UBXN4: variants seen among roughly 807,000 people sequenced by gnomAD.
UBXN4 encodes UBX domain-containing protein 4.
In UBXN4, 35 loss-of-function variants were observed where a neutral mutation model predicts 66.2. The observed-to-expected ratio is 0.53, with a 90% CI of 0.40 to 0.70. The LOEUF is 0.70. Among genes scored for constraint, UBXN4 ranks in the 30% least tolerant of loss-of-function variants. The pLI, the probability that UBXN4 is intolerant of heterozygous loss-of-function variation, is 0.00. For missense variants in UBXN4, 533 were observed against 599.8 expected (o/e 0.89, Z 1.16); for synonymous variants, 203 against 204.5 (o/e 0.99, Z 0.06).
chr2:135,776,739 C>T (rs541034347), intron 10 of UBXN4, among the ~76,000 whole-genome samples: 1 of 152,130 alleles, frequency 6.6e-6, no homozygotes, highest in African/African-American at 2.4e-5. Context: ...AACTTACAGG[C>T]ATGTACTGCC....
rs751829167 is a variant in UBXN4 at position 135,776,211 on chromosome 2, G to C, written c.951-38G>C. 2.0e-6 allele frequency: 3 copies of C among 1,501,094 alleles called. No individual in the cohort carries two copies. The East Asian group carries it at 6.8e-5, about 34-fold the overall frequency. The allele number at this position is 1,501,094 out of a possible 1,614,324, so 93.0% of individuals were successfully genotyped here. A position where few individuals can be genotyped will look rare whatever the true frequency, so the allele number is the denominator to read the frequency against. On this transcript the variant is annotated intron_variant, in intron 9 of 12. Coordinates refer to ENST00000272638, the MANE Select transcript of UBXN4 (RefSeq NM_014607.4). ...TAATGATATTGTTAGAGAATATATA[G>C]AGGTGAAGATTGTGACTTTAATTTT... is the stretch of plus-strand genomic sequence containing the variant.
chr2:135,772,551 C>A lies in UBXN4; in HGVS notation c.950+4C>A, dbSNP rs1206834295. ...AATCTTATGCAAGAGAAAGAAGGTA[C>A]TATATTTCATGCTGAAACATCTCTG... On this transcript the variant is annotated splice_donor_region_variant and intron_variant, in intron 9 of 12. Transcript: ENST00000272638. The A allele has an allele frequency of 1.9e-6, 3 of 1,613,140 alleles. No individual in the cohort carries two copies. The highest frequency in any genetic ancestry group is 3.3e-5 in the Admixed American group (2 of 59,970).
At chr2:135,773,294 T>TAAAA (rs2077394751) in intron 9 of UBXN4, among the ~76,000 whole-genome samples, 2 of 152,230 alleles carry the variant, frequency 1.3e-5, no homozygotes, top group East Asian at 3.8e-4. Flanking sequence ...TCTCTCTTTT[T>TAAAA]AATTCTTGGT....
chr2:135,758,999 T>TA (rs1318714565), intron 5 of UBXN4, among the ~76,000 whole-genome samples: 1 of 152,208 alleles, frequency 6.6e-6, no homozygotes, highest in Non-Finnish European at 1.5e-5. Context: ...CCTCAGGTGA[T>TA]ACGCCTGCCT....
At chr2:135,769,852 G>A (rs772794235) in intron 7 of UBXN4, 29 bp downstream of exon 7, 40 of 1,564,768 alleles carry the variant, frequency 2.6e-5, no homozygotes, top group Non-Finnish European at 3.2e-5. Flanking sequence ...GCATTGTTTT[G>A]TCCTCTCATT....
At chr2:135,754,321 G>T in intron 4 of UBXN4, 44 bp downstream of exon 4, 2 of 1,507,168 alleles carry the variant, frequency 1.3e-6, no homozygotes, top group Non-Finnish European at 1.8e-6. Context: ...GGTACGTCAG[G>T]AATTGGATTT....
chr2:135,761,722 T>C lies in UBXN4; in HGVS notation c.509-96T>C, dbSNP rs1291802434. ...GGGAAAATATATAATGCTTAAGATA[T>C]AAAATTATTAACAGATGCTATAATC... is the stretch of plus-strand genomic sequence containing the variant. On this transcript the variant is annotated intron_variant, in intron 5 of 12. Coordinates refer to ENST00000272638, the MANE Select transcript of UBXN4 (RefSeq NM_014607.4). 5 of 1,060,154 alleles carry C rather than the reference T, an allele frequency of 4.7e-6. No individual in the cohort carries two copies. The African/African-American group carries it at 4.8e-5, about 10-fold the overall frequency. The allele number at this position is 1,060,154 out of a possible 1,614,324, so 65.7% of individuals were successfully genotyped here. A position where few individuals can be genotyped will look rare whatever the true frequency, so the allele number is the denominator to read the frequency against.
At chr2:135,768,473 A>G (rs2077361019) in intron 6 of UBXN4, among the ~76,000 whole-genome samples, 1 of 151,668 alleles carries the variant, frequency 6.6e-6, no homozygotes, top group South Asian at 2.1e-4. Context: ...GTGGGATTAC[A>G]GGCATGAGCC....
intron 4 of UBXN4, 109 bp downstream of exon 4, chr2:135,754,386 A>G: frequency 1.3e-6 from 1 of 797,990 alleles, no homozygotes; most frequent in East Asian, 2.6e-5. Flanking sequence ...CAGTGGTGTG[A>G]TCTCAGCTCA....
Position 135,770,690 on chromosome 2 carries a change from A to G in UBXN4, c.777A>G (p.Ala259=), listed in dbSNP as rs879249760. 6.3e-7 allele frequency: 1 copy of G among 1,575,032 alleles called. No individual in the cohort carries two copies. The highest frequency in any genetic ancestry group is 1.2e-5 in the South Asian group (1 of 83,238). ...RMLEERNREK[A]EDRAARERIK... is the part of the protein sequence containing the mutation. The stretch of plus-strand genomic sequence containing the variant: ...TGGAGGAAAGAAACAGAGAGAAAGC[A>G]GAAGATAGGGCAGCTCGAGAACGTA... Residue 259 remains alanine, a synonymous_variant, in exon 8 of 13, where the codon GCA becomes GCG. Coordinates refer to ENST00000272638, the MANE Select transcript of UBXN4 (RefSeq NM_014607.4).
At position 135,754,288 on chromosome 2, in the gene UBXN4, A is replaced by G; in HGVS notation, c.333+11A>G. 2.5e-6 allele frequency: 4 copies of G among 1,598,072 alleles called. No individual in the cohort carries two copies. Among genetic ancestry groups the G allele is most frequent in the Non-Finnish European group, 3.4e-6 (4 of 1,166,914 alleles). ...CACAAGGTCCGACAGGTAAGAAGGA[A>G]CAGAACTGTTGTTTCCGTAAATGGT... is the stretch of plus-strand genomic sequence containing the variant. On this transcript the variant is annotated intron_variant, in intron 4 of 12. Coordinates refer to ENST00000272638, the MANE Select transcript of UBXN4 (RefSeq NM_014607.4).
chr2:135,772,582 A>C (rs1165706138), intron 9 of UBXN4, 35 bp downstream of exon 9: 6 of 1,610,328 alleles, frequency 3.7e-6, no homozygotes, highest in South Asian at 3.3e-5. Flanking sequence ...CTCTGTGCAC[A>C]TAGGGGCTGA....
At chr2:135,742,393 G>GC (rs1256918288) in intron 1 of UBXN4, 2 of 175,874 alleles carry the variant, frequency 1.1e-5, no homozygotes, top group African/African-American at 4.7e-5. Flanking sequence ...TCTCCAAAGC[G>GC]CCCCGAGGCC....
chr2:135,753,815 A>C (rs1000793076), intron 3 of UBXN4: 15 of 452,230 alleles, frequency 3.3e-5, no homozygotes, highest in Non-Finnish European at 5.4e-5. Context: ...TAAAGATAGG[A>C]TAGGGAGTTT....
chr2:135,761,680 C>A, intron 5 of UBXN4, 138 bp from the exon 6 acceptor site: 1 of 660,470 alleles, frequency 1.5e-6, no homozygotes, highest in Non-Finnish European at 2.4e-6. Flanking sequence ...GCATATTTAG[C>A]TCCTTCTCCA....
intron 1 of UBXN4, among the ~76,000 whole-genome samples, chr2:135,747,041 C>T (rs550175959): frequency 6.6e-6 from 1 of 152,124 alleles, no homozygotes; most frequent in African/African-American, 2.4e-5. Flanking sequence ...TATTTTGGAG[C>T]TGGAGTCAGT....
At chr2:135,751,633 G>A (rs2077242434) in intron 2 of UBXN4, among the ~76,000 whole-genome samples, 1 of 150,734 alleles carries the variant, frequency 6.6e-6, no homozygotes, top group African/African-American at 2.4e-5. Context: ...TAATAACTAA[G>A]TCACCCAATG....
Position 135,780,287 on chromosome 2 carries a change from C to A in UBXN4, c.1290C>A (p.Ser430Arg). Residue 430 changes from serine to arginine, a missense_variant, in exon 12 of 13, where the codon AGC becomes AGA. Physicochemically the swap from Ser to Arg is moderately radical, Grantham distance 110. This residue lies in a region of UBXN4 where 529 missense variants were observed against 580.1 expected (regional missense o/e 0.91). Transcript: ENST00000272638. ...YPFLAIWRLI[S>R]NFLFSNPPPT... is the part of the protein sequence containing the mutation. ...TCCTTGCCATCTGGAGATTAATTAG[C>A]AATTTCTTGTTTAGTAATCCGCCTC... The A allele has an allele frequency of 6.2e-7, 1 of 1,614,100 alleles. No homozygotes were observed. The highest frequency in any genetic ancestry group is 8.5e-7 in the Non-Finnish European group (1 of 1,180,024).
At position 135,741,924 on chromosome 2, in the gene UBXN4, G is replaced by A. The variant is rs374676313; in HGVS notation, c.-6G>A. On this transcript the variant is annotated 5_prime_UTR_variant, in exon 1 of 13. Coordinates refer to ENST00000272638, the MANE Select transcript of UBXN4 (RefSeq NM_014607.4). Reference sequence around the variant, plus strand: ...ACCGAGCGAGCGCCTGGGCCCGAAGGGAGCGATGCTGTGGTTCCAGGGCGC... The same window carrying A: ...ACCGAGCGAGCGCCTGGGCCCGAAGAGAGCGATGCTGTGGTTCCAGGGCGC... 6.2e-7 allele frequency: 1 copy of A among 1,611,426 alleles called. No homozygotes were observed. Among genetic ancestry groups the A allele is most frequent in the Non-Finnish European group, 8.5e-7 (1 of 1,179,000 alleles).
Sources: allele counts gnomAD v4.1 joint callset (sites outside exome capture counted in the v4.1 genomes callset), GRCh38; gene constraint gnomAD v4.1.1; regional missense constraint gnomAD v4.1.1; transcripts MANE v1.5; gene names NCBI Gene and HGNC (gene_info 2026-07-23, HGNC 2026-07-21).